Variants in CNTN4 observed in about 807,000 individuals in gnomAD.
CNTN4 encodes contactin-4.
CNTN4 carries 77 observed loss-of-function variants against 122.5 expected under a neutral mutation model. The ratio of observed to expected loss-of-function variants is 0.63; its 90% CI spans 0.52 to 0.76. The LOEUF is 0.76. CNTN4 is among the 30% of genes least tolerant of loss of function. The pLI is 0.00. For missense variants in CNTN4, 1,256 were observed against 1,259.1 expected (o/e 1.00, Z 0.04); for synonymous variants, 512 against 447.0 (o/e 1.15, Z -1.83).
intron 2 of CNTN4, among the ~76,000 whole-genome samples, chr3:2,259,503 A>C (rs1033506255): frequency 2.6e-5 from 4 of 152,190 alleles, no homozygotes; most frequent in African/African-American, 9.7e-5. Flanking sequence ...TGGGTAATTT[A>C]TAAAGAAAAA....
Position 2,866,828 on chromosome 3 carries a change from G to T in CNTN4, c.531G>T (p.Gly177=), listed in dbSNP as rs149729477. The stretch of plus-strand genomic sequence containing the variant: ...GCCGCTTTGTTTCTCAAGAGACTGG[G>T]AATCTGTATATTGCCAAAGTAGAAA... ...DNRRFVSQET[G]NLYIAKVEKS... Residue 177 remains glycine, a synonymous_variant, in exon 8 of 25, where the codon GGG becomes GGT. Transcript: ENST00000418658. 1 of 1,613,944 alleles carries T rather than the reference G, an allele frequency of 6.2e-7. No homozygotes were observed. The highest frequency in any genetic ancestry group is 1.1e-5 in the South Asian group (1 of 91,072).
At chr3:2,891,607 T>C (rs1025594042) in intron 10 of CNTN4, among the ~76,000 whole-genome samples, 7 of 152,110 alleles carry the variant, frequency 4.6e-5, no homozygotes, top group Non-Finnish European at 1.0e-4. Flanking sequence ...GGGAAGTGCA[T>C]TGCTGGCAGA....
chr3:2,190,333 T>G (rs1025933697), intron 2 of CNTN4, among the ~76,000 whole-genome samples: 3 of 150,854 alleles, frequency 2.0e-5, no homozygotes, highest in African/African-American at 7.3e-5. Context: ...GTCTTTGTGT[T>G]TTTTTTTTCT....
At chr3:2,577,777 G>A (rs1039323424) in intron 4 of CNTN4, among the ~76,000 whole-genome samples, 20 of 152,188 alleles carry the variant, frequency 1.3e-4, no homozygotes, top group African/African-American at 4.8e-4. Context: ...TTTACGTGCA[G>A]CAAGAGGCGT....
chr3:2,891,402 G>A (rs773193606), intron 10 of CNTN4, among the ~76,000 whole-genome samples: 42 of 152,224 alleles, frequency 2.8e-4, no homozygotes, highest in Non-Finnish European at 4.9e-4. Flanking sequence ...AGCCGAGGTT[G>A]TGCCACTGCA....
At chr3:2,518,646 A>G (rs1292852963) in intron 3 of CNTN4, among the ~76,000 whole-genome samples, 1 of 152,192 alleles carries the variant, frequency 6.6e-6, no homozygotes, top group East Asian at 1.9e-4. Flanking sequence ...GATAAAAAAT[A>G]TATAACTAGT....
chr3:2,286,717 T>C (rs1377762321), intron 2 of CNTN4, among the ~76,000 whole-genome samples: 1 of 152,156 alleles, frequency 6.6e-6, no homozygotes, highest in Admixed American at 6.5e-5. Context: ...ATGATCATAA[T>C]TGAACATATG....
intron 2 of CNTN4, among the ~76,000 whole-genome samples, chr3:2,186,247 A>G (rs766197368): frequency 1.1e-4 from 17 of 151,810 alleles, no homozygotes; most frequent in Non-Finnish European, 2.2e-4. Context: ...ATCTCCCTAC[A>G]AAGGACATGA....
At chr3:2,420,960 C>T (rs1354240) in intron 3 of CNTN4, among the ~76,000 whole-genome samples, 140,148 of 152,196 alleles carry the variant, frequency 0.92, 64,539 homozygotes, top group East Asian at 0.98. Context: ...CGTTCAGGAC[C>T]CAGCAGTTGC....
intron 23 of CNTN4, among the ~76,000 whole-genome samples, chr3:3,046,595 A>C (rs1700683307): frequency 6.6e-6 from 1 of 152,096 alleles, no homozygotes; most frequent in Admixed American, 6.5e-5. Flanking sequence ...TTTTGTCACC[A>C]CCAGGCCTGC....
Position 2,245,307 on chromosome 3 carries a change from G to C in CNTN4, c.-144-93871G>C, listed in dbSNP as rs375639465. Reference sequence around the variant, plus strand: ...ATCTAATATGTGGGCAAAATAGACAGATTGGTGCAATATCCAGCACAGTTT... The same window carrying C: ...ATCTAATATGTGGGCAAAATAGACACATTGGTGCAATATCCAGCACAGTTT... On this transcript the variant is annotated intron_variant, in intron 2 of 24. Coordinates refer to ENST00000418658, the MANE Select transcript of CNTN4 (RefSeq NM_175607.3). Among the ~76,000 whole-genome samples, 10 of 152,082 alleles carry C rather than the reference G, an allele frequency of 6.6e-5. No homozygotes were observed. The East Asian group carries it at 1.9e-3, about 29-fold the overall frequency.
At chr3:2,519,154 G>A (rs2077125600) in intron 3 of CNTN4, among the ~76,000 whole-genome samples, 1 of 152,150 alleles carries the variant, frequency 6.6e-6, no homozygotes, top group African/African-American at 2.4e-5. Flanking sequence ...AATGAAAAGG[G>A]AAGATCGGCT....
At chr3:2,150,716 T>A (rs1446530611) in intron 2 of CNTN4, among the ~76,000 whole-genome samples, 6 of 152,222 alleles carry the variant, frequency 3.9e-5, no homozygotes, top group Non-Finnish European at 8.8e-5. Flanking sequence ...CTTAAAGTCA[T>A]TCTCAAGCAT....
chr3:2,186,501 G>C (rs1418584762), intron 2 of CNTN4, among the ~76,000 whole-genome samples: 4 of 152,172 alleles, frequency 2.6e-5, no homozygotes, highest in Non-Finnish European at 5.9e-5. Context: ...TTGAGGAATT[G>C]CCACACTGTC....
chr3:2,830,543 T>C lies in CNTN4; in HGVS notation c.454+10962T>C, dbSNP rs145675615. Among the ~76,000 whole-genome samples, 194 of 152,250 alleles carry C rather than the reference T, an allele frequency of 1.3e-3. 1 individual carries two copies. Among genetic ancestry groups the C allele is most frequent in the African/African-American group, 4.5e-3 (185 of 41,570 alleles). ...GGATGACATTGTGTTAGAACATAGG[T>C]TGGGACATGAAGAGTCTGGAGATGT... On this transcript the variant is annotated intron_variant, in intron 7 of 24. Transcript: ENST00000418658.
At chr3:2,972,770 T>C (rs1414408093) in intron 13 of CNTN4, among the ~76,000 whole-genome samples, 3 of 152,206 alleles carry the variant, frequency 2.0e-5, no homozygotes, top group African/African-American at 4.8e-5. Context: ...TCTTCTTTGC[T>C]TTAAGTAGGT....
At chr3:2,105,040 C>G (rs1349916941) in intron 2 of CNTN4, among the ~76,000 whole-genome samples, 2 of 152,132 alleles carry the variant, frequency 1.3e-5, no homozygotes, top group Admixed American at 6.5e-5. Flanking sequence ...GTAATTGCTT[C>G]TAGAACAGAA....
chr3:2,988,517 C>T (rs1320884381), intron 14 of CNTN4, 45 bp downstream of exon 14: 6 of 1,602,758 alleles, frequency 3.7e-6, no homozygotes, highest in African/African-American at 2.7e-5. Flanking sequence ...TATGTGTCCT[C>T]GTGTCTAATA....
rs150427517 is a variant in CNTN4 at position 2,925,605 on chromosome 3, A to C, written c.1208-24A>C. 2.5e-6 allele frequency: 4 copies of C among 1,609,142 alleles called. No individual in the cohort carries two copies. The African/African-American group carries it at 4.0e-5, about 16-fold the overall frequency. ...TCATGGAAGGCTGTCTTGCATAATA[A>C]TTATTTTTTGTACTGTCTTTCAGCT... On this transcript the variant is annotated intron_variant, in intron 12 of 24. Transcript: ENST00000418658.
Sources: allele counts gnomAD v4.1 joint callset (sites outside exome capture counted in the v4.1 genomes callset), GRCh38; gene constraint gnomAD v4.1.1; transcripts MANE v1.5; gene names NCBI Gene and HGNC (gene_info 2026-07-23, HGNC 2026-07-21).